Variants in CNNM1 observed in about 807,000 individuals in gnomAD.
CNNM1 encodes the protein cyclin and CBS domain divalent metal cation transport mediator 1.
A neutral mutation model predicts 78.8 loss-of-function variants in CNNM1; 44 were observed. The ratio of observed to expected loss-of-function variants is 0.56; its 90% CI spans 0.44 to 0.72. The LOEUF is 0.72. CNNM1 is among the 30% of genes least tolerant of loss of function. The pLI is 0.00. For missense variants in CNNM1, 1,101 were observed against 1,292.2 expected, an observed-to-expected ratio of 0.85 and a Z score of 2.27; for synonymous variants, 584 against 581.5, an observed-to-expected ratio of 1.00 and a Z score of -0.06.
chr10:99,335,546 G>A (rs1193164385), intron 1 of CNNM1, among the ~76,000 whole-genome samples: 1 of 152,128 alleles, frequency 6.6e-6, no homozygotes, highest in Non-Finnish European at 1.5e-5. Flanking sequence ...CCTAAGTACG[G>A]AATAATTAAT....
In CNNM1 at chr10:99,339,127, C is replaced by T. The variant is rs545635576; in HGVS notation, c.1573+8167C>T. ...TTCAGCTTTGCTGGGCTAGTAACACCATCTTTGCAAACAAAAAAGCACAAC... is the reference window on the plus strand; with the variant it reads ...TTCAGCTTTGCTGGGCTAGTAACACTATCTTTGCAAACAAAAAAGCACAAC... On this transcript the variant is annotated intron_variant, in intron 1 of 10. Transcript: ENST00000356713. 8.9e-4 allele frequency among the ~76,000 whole-genome samples: 136 copies of T among 152,322 alleles called. No individual in the cohort carries two copies. The Middle Eastern group carries it at 0.01, about 11-fold the overall frequency.
rs1341081624 is a variant in CNNM1, at chr10:99,329,737, G to C, written c.350G>C (p.Gly117Ala). 6.6e-7 allele frequency: 1 copy of C among 1,510,722 alleles called. No homozygotes were observed. Among genetic ancestry groups the C allele is most frequent in the Admixed American group, 2.1e-5 (1 of 48,160 alleles). 93.6% of individuals were successfully genotyped at this position (1,510,722 alleles called of 1,614,324 possible). A position where few individuals can be genotyped will look rare whatever the true frequency, so the allele number is the denominator to read the frequency against. Residue 117 changes from glycine to alanine, a missense_variant, in exon 1 of 11, where the codon GGC becomes GCC. Around this residue, in one of 3 missense-constraint regions of CNNM1, gnomAD observed 476 missense variants for 484.5 expected, o/e 0.98. Transcript: ENST00000356713. ...VFIEEPPGGG[G>A]VAPSAVPTRP... ...ATCGAGGAGCCCCCGGGCGGTGGCG[G>C]CGTGGCCCCCAGCGCGGTCCCCACT...
At chr10:99,360,773 A>T in intron 2 of CNNM1, 62 bp from the exon 3 acceptor site, 1 of 1,524,812 alleles carries the variant, frequency 6.6e-7, no homozygotes. Context: ...TGATTCTGGG[A>T]AAACCTCCAA....
At chr10:99,347,567 C>T (rs1209156149) in intron 1 of CNNM1, among the ~76,000 whole-genome samples, 3 of 19,538 alleles carry the variant, frequency 1.5e-4, no homozygotes, top group East Asian at 2.0e-3. Context: ...GATCATGTCA[C>T]CTTTTTGCAA....
chr10:99,343,309 T>TA (rs2030539652), intron 1 of CNNM1, among the ~76,000 whole-genome samples: 2 of 152,176 alleles, frequency 1.3e-5, no homozygotes, highest in South Asian at 4.2e-4. Context: ...AAAGGACAAA[T>TA]ACTAAAAAGA....
At chr10:99,377,318 C>T (rs111548888) in intron 7 of CNNM1, 100 bp downstream of exon 7, 9 of 1,128,416 alleles carry the variant, frequency 8.0e-6, no homozygotes, top group African/African-American at 3.1e-5. Flanking sequence ...GGGATGTGTG[C>T]ACCATTCCCC....
intron 1 of CNNM1, among the ~76,000 whole-genome samples, chr10:99,332,086 A>G (rs2029941427): frequency 2.6e-5 from 4 of 152,316 alleles, no homozygotes; most frequent in South Asian, 2.1e-4. Flanking sequence ...CCGCCCCCCT[A>G]GTTCACCAGA....
chr10:99,347,576 AAC>A (rs57477706), intron 1 of CNNM1, among the ~76,000 whole-genome samples: 3 of 140,776 alleles, frequency 2.1e-5, no homozygotes, highest in Non-Finnish European at 4.6e-5. Context: ...ACCTTTTTGC[AAC>A]ACACACACAC....
intron 1 of CNNM1, among the ~76,000 whole-genome samples, chr10:99,343,660 G>A (rs780450157): frequency 4.6e-5 from 7 of 152,204 alleles, no homozygotes; most frequent in East Asian, 1.9e-4. Context: ...GACTAGCTAC[G>A]ACTGGGGCAG....
rs541628531 is a variant in CNNM1, at chr10:99,375,305, G to A, written c.2177-1750G>A. ...AAAACAGATTATAAGATTCTAAGTG[G>A]GGAGACTGTGGTCCAGGTGAGGCTG... On this transcript the variant is annotated intron_variant, in intron 6 of 10. Transcript: ENST00000356713. Among the ~76,000 whole-genome samples, 108 of 152,298 alleles carry A rather than the reference G, an allele frequency of 7.1e-4. 1 individual carries two copies. In the Middle Eastern group the frequency reaches 0.034, roughly 48 times the overall value.
At chr10:99,377,383 T>C in intron 7 of CNNM1, 165 bp downstream of exon 7, 1 of 627,092 alleles carries the variant, frequency 1.6e-6, no homozygotes, top group Non-Finnish European at 2.7e-6. Flanking sequence ...AAAGGCTGTT[T>C]TCAGTAAGCT....
intron 6 of CNNM1, among the ~76,000 whole-genome samples, chr10:99,368,176 A>C (rs1295081759): frequency 6.6e-6 from 1 of 152,194 alleles, no homozygotes. Flanking sequence ...GCAGGAGCAC[A>C]CGCTTTCCAT....
In CNNM1 at chr10:99,377,229, C is replaced by A. The variant is rs1223258512; in HGVS notation, c.2340+11C>A. On this transcript the variant is annotated intron_variant, in intron 7 of 10. Coordinates refer to ENST00000356713, the MANE Select transcript of CNNM1 (RefSeq NM_020348.3). ...GTGCAGTTTGTGAAGGTAACTCCCC[C>A]AGGAAGGTTATCCTCTCCCTCCCAG... is the stretch of plus-strand genomic sequence containing the variant. 5.0e-6 allele frequency: 8 copies of A among 1,612,540 alleles called. No individual in the cohort carries two copies. The highest frequency in any genetic ancestry group is 3.3e-5 in the Admixed American group (2 of 59,946).
At chr10:99,362,695 G>A (rs7910245) in intron 4 of CNNM1, among the ~76,000 whole-genome samples, 226 of 152,236 alleles carry the variant, frequency 1.5e-3, no homozygotes, top group African/African-American at 3.9e-3. Flanking sequence ...GCTGCTCTGC[G>A]GAAGCTATAA....
chr10:99,359,661 G>GA (rs918121513), intron 2 of CNNM1, among the ~76,000 whole-genome samples: 5 of 152,168 alleles, frequency 3.3e-5, no homozygotes, highest in African/African-American at 1.2e-4. Context: ...CCCAAAAGGA[G>GA]AGGGGGCACA....
rs150784459 is a variant in CNNM1 at position 99,335,448 on chromosome 10, C to T, written c.1573+4488C>T. Among the ~76,000 whole-genome samples, 295 of 152,276 alleles carry T rather than the reference C, an allele frequency of 1.9e-3. 1 individual carries two copies. The highest frequency in any genetic ancestry group is 6.6e-3 in the African/African-American group (274 of 41,552). On this transcript the variant is annotated intron_variant, in intron 1 of 10. Coordinates refer to ENST00000356713, the MANE Select transcript of CNNM1 (RefSeq NM_020348.3). ...GTATTCTCAGGACAAGTATAGTGAC[C>T]GCCATGGCTAGGGGATGTATAACCA...
At chr10:99,353,578 G>T (rs1187187244) in intron 1 of CNNM1, among the ~76,000 whole-genome samples, 3 of 152,196 alleles carry the variant, frequency 2.0e-5, no homozygotes, top group Non-Finnish European at 4.4e-5. Context: ...AGTAAGGGAG[G>T]TGCAGGCATA....
At chr10:99,345,587 A>G (rs764350339) in intron 1 of CNNM1, among the ~76,000 whole-genome samples, 145 of 152,258 alleles carry the variant, frequency 9.5e-4, no homozygotes, top group Non-Finnish European at 9.4e-4. Flanking sequence ...AGCATAGCCA[A>G]ATCACTCTGG....
chr10:99,380,504 C>T (rs551783333), intron 7 of CNNM1, among the ~76,000 whole-genome samples: 4 of 152,178 alleles, frequency 2.6e-5, no homozygotes, highest in East Asian at 3.9e-4. Context: ...TAAAACTTGC[C>T]GATGGGCTGG....
Sources: gnomAD v4.1 joint callset for allele counts (sites outside exome capture counted in the v4.1 genomes callset) on GRCh38, gnomAD v4.1.1 for gene constraint, gnomAD v4.1.1 regional missense constraint, MANE v1.5 for transcripts, NCBI Gene and HGNC (gene_info 2026-07-23, HGNC 2026-07-21) for gene names.